USP3: variants seen among roughly 807,000 people sequenced by gnomAD.
USP3 encodes ubiquitin carboxyl-terminal hydrolase 3.
In USP3, 20 loss-of-function variants were observed where a neutral mutation model predicts 72.3. The ratio of observed to expected loss-of-function variants is 0.28; its 90% CI spans 0.19 to 0.40. The LOEUF is 0.40. Ranked by LOEUF, USP3 falls within the 10% of genes least tolerant of loss-of-function variation. USP3 has a pLI of 1.00. For missense variants in USP3, 479 were observed against 633.9 expected, an observed-to-expected ratio of 0.76 and a Z score of 2.62; for synonymous variants, 222 against 225.3, an observed-to-expected ratio of 0.99 and a Z score of 0.13.
chr15:63,535,373 A>T (rs2066140462), intron 2 of USP3, among the ~76,000 whole-genome samples: 1 of 152,236 alleles, frequency 6.6e-6, no homozygotes, highest in Admixed American at 6.5e-5. Context: ...AATGCTAATA[A>T]AATGATTGCT....
At chr15:63,581,244 A>C (rs62012778) in intron 11 of USP3, among the ~76,000 whole-genome samples, 3,988 of 152,244 alleles carry the variant, frequency 0.026, 86 homozygotes, top group Non-Finnish European at 0.04. Flanking sequence ...TTAAAATAGC[A>C]GTTGCCAAAT....
At chr15:63,523,363 G>A (rs1211110417) in intron 1 of USP3, among the ~76,000 whole-genome samples, 1 of 152,154 alleles carries the variant, frequency 6.6e-6, no homozygotes, top group African/African-American at 2.4e-5. Context: ...CTTAGCGTAA[G>A]GTCATAGAAT....
chr15:63,510,305 C>G (rs1054770155), intron 1 of USP3, among the ~76,000 whole-genome samples: 1 of 152,160 alleles, frequency 6.6e-6, no homozygotes, highest in African/African-American at 2.4e-5. Flanking sequence ...TTAACATGTA[C>G]ATTTCCCCTA....
At chr15:63,587,925 CTTT>C (rs569420655) in intron 11 of USP3, 1 of 156,778 alleles carries the variant, frequency 6.4e-6, no homozygotes, top group East Asian at 1.9e-4. Context: ...CTAAATTTGA[CTTT>C]TTTTTATGAG....
chr15:63,505,284 C>A (rs2065696466), intron 1 of USP3, among the ~76,000 whole-genome samples: 1 of 152,148 alleles, frequency 6.6e-6, no homozygotes, highest in South Asian at 2.1e-4. Context: ...GCGCCGCTCT[C>A]CGGGCGCAGC....
At chr15:63,530,104 T>C (rs2066045196) in intron 1 of USP3, among the ~76,000 whole-genome samples, 1 of 152,076 alleles carries the variant, frequency 6.6e-6, no homozygotes, top group African/African-American at 2.4e-5. Flanking sequence ...GCCACTGCAA[T>C]CCAGCCTGGG....
rs1347075883 is a variant in USP3 at position 63,504,705 on chromosome 15, G to A, written c.-35G>A. On this transcript the variant is annotated 5_prime_UTR_variant, in exon 1 of 15. Coordinates refer to ENST00000380324, the MANE Select transcript of USP3 (RefSeq NM_006537.4). ...TCCGCCCCCACCTCGCCGGGTCCTG[G>A]AGCCGCAGTCCTCCCAGCTGCCCTC... 15 of 1,560,526 alleles carry A rather than the reference G, an allele frequency of 9.6e-6. No homozygotes were observed. The highest frequency in any genetic ancestry group is 1.2e-5 in the Non-Finnish European group (14 of 1,151,058).
chr15:63,560,056 A>G, intron 7 of USP3, 86 bp downstream of exon 7: 1 of 1,076,842 alleles, frequency 9.3e-7, no homozygotes, highest in Non-Finnish European at 1.3e-6. Flanking sequence ...TAAGTGAGCT[A>G]ACAGGCACAT....
intron 11 of USP3, among the ~76,000 whole-genome samples, chr15:63,581,283 A>G (rs776324480): frequency 6.6e-6 from 1 of 151,996 alleles, no homozygotes; most frequent in Non-Finnish European, 1.5e-5. Context: ...TGTTGTATCT[A>G]GATAGTCTTC....
intron 11 of USP3, among the ~76,000 whole-genome samples, chr15:63,585,178 T>G (rs1449076755): frequency 6.6e-6 from 1 of 152,242 alleles, no homozygotes; most frequent in Non-Finnish European, 1.5e-5. Context: ...ATAACTTTGT[T>G]GTTCTTTTTC....
At chr15:63,567,238 T>C (rs1288696534) in intron 8 of USP3, among the ~76,000 whole-genome samples, 2 of 152,150 alleles carry the variant, frequency 1.3e-5, no homozygotes, top group African/African-American at 4.8e-5. Flanking sequence ...CAGGCTGGAG[T>C]GCAATGGCAC....
intron 3 of USP3, among the ~76,000 whole-genome samples, chr15:63,547,117 G>C (rs1203342907): frequency 6.6e-6 from 1 of 152,176 alleles, no homozygotes; most frequent in East Asian, 1.9e-4. Flanking sequence ...GTGCTGTGAG[G>C]CTAGTTACAC....
At chr15:63,547,385 A>T (rs1345433899) in intron 3 of USP3, among the ~76,000 whole-genome samples, 2 of 152,158 alleles carry the variant, frequency 1.3e-5, no homozygotes, top group South Asian at 4.1e-4. Context: ...TAGTTGTAAA[A>T]ACCTAAAAAA....
rs2066289267 is a variant in USP3 at position 63,544,314 on chromosome 15, T to G, written c.284+7158T>G. ...AGCTGATGAAAATAGCTTGAAGGCT[T>G]CTTTTGTAACCAAATGCAGGTCTGG... On this transcript the variant is annotated intron_variant, in intron 3 of 14. Coordinates refer to ENST00000380324, the MANE Select transcript of USP3 (RefSeq NM_006537.4). This position sits in a 1 kb window ranked among gnomAD's most constrained non-coding sequence, Gnocchi z 4.2. The G allele has an allele frequency of 6.1e-6, 1 of 163,318 alleles. No individual in the cohort carries two copies. The highest frequency in any genetic ancestry group is 2.4e-5 in the African/African-American group (1 of 41,678). 10.1% of individuals were successfully genotyped at this position (163,318 alleles called of 1,614,324 possible).
intron 8 of USP3, among the ~76,000 whole-genome samples, chr15:63,563,586 G>A (rs2066642314): frequency 6.6e-6 from 1 of 152,164 alleles, no homozygotes; most frequent in African/African-American, 2.4e-5. Context: ...GCTGTCAGAG[G>A]AATCCTGCCT....
intron 1 of USP3, among the ~76,000 whole-genome samples, chr15:63,521,474 C>G (rs2065920162): frequency 6.6e-6 from 1 of 152,216 alleles, no homozygotes; most frequent in African/African-American, 2.4e-5. Flanking sequence ...CACACTTCCA[C>G]TGTGGTCTTA....
rs2067218187 is a variant in USP3 at position 63,592,347 on chromosome 15, T to TC, written c.*1521_*1522insC. 6.9e-6 allele frequency: 1 copy of TC among 145,204 alleles called. No homozygotes were observed. Among genetic ancestry groups the TC allele is most frequent in the South Asian group, 2.1e-4 (1 of 4,656 alleles). The allele number at this position is 145,204 out of a possible 1,614,324, so 9.0% of individuals were successfully genotyped here. ...GTCCTGTGGTGGTTTTTTTTTTTTC[T>TC]TTTTTTTGGTTGGGGGCGGTGGGGG... On this transcript the variant is annotated 3_prime_UTR_variant, in exon 15 of 15. Coordinates refer to ENST00000380324, the MANE Select transcript of USP3 (RefSeq NM_006537.4).
At chr15:63,543,755 A>G (rs1274539500) in intron 3 of USP3, among the ~76,000 whole-genome samples, 1 of 152,270 alleles carries the variant, frequency 6.6e-6, no homozygotes, top group East Asian at 1.9e-4. Flanking sequence ...CTCATCAAAC[A>G]TATTACAGGA....
intron 8 of USP3, among the ~76,000 whole-genome samples, chr15:63,564,877 A>G (rs2066662759): frequency 6.6e-6 from 1 of 152,230 alleles, no homozygotes; most frequent in South Asian, 2.1e-4. Context: ...AGATCTTGAG[A>G]TTATATCATG....
Sources: allele counts gnomAD v4.1 joint callset (sites outside exome capture counted in the v4.1 genomes callset), GRCh38; gene constraint gnomAD v4.1.1; non-coding constraint Gnocchi (gnomAD v3.1); transcripts MANE v1.5; gene names NCBI Gene and HGNC (gene_info 2026-07-23, HGNC 2026-07-21).